The following CTNND2 variants were observed in gnomAD, a reference collection of about 807,000 sequenced individuals.
CTNND2 encodes catenin delta-2.
In CTNND2, 22 loss-of-function variants were observed where a neutral mutation model predicts 144.4. The ratio of observed to expected loss-of-function variants is 0.15; its 90% CI spans 0.11 to 0.22. CTNND2 has a LOEUF of 0.22. Ranked by LOEUF, CTNND2 falls within the 10% of genes least tolerant of loss-of-function variation. The pLI is 1.00. For synonymous variants in CTNND2, 751 were observed against 695.6 expected (o/e 1.08, Z -1.25); for missense variants, 1,353 against 1,618.8 (o/e 0.84, Z 2.82).
chr5:11,311,999 C>CCA (rs142393852), intron 9 of CTNND2, among the ~76,000 whole-genome samples: 1 of 116,028 alleles, frequency 8.6e-6, no homozygotes, highest in African/African-American at 3.1e-5. Flanking sequence ...TATATGCACC[C>CCA]CACACACACA....
intron 16 of CTNND2, among the ~76,000 whole-genome samples, chr5:11,043,706 C>G (rs958388442): frequency 1.3e-5 from 2 of 152,034 alleles, no homozygotes; most frequent in African/African-American, 4.8e-5. Flanking sequence ...TTTTTACAAG[C>G]AATATTAATA....
At chr5:11,170,427 A>G (rs753014171) in intron 11 of CTNND2, among the ~76,000 whole-genome samples, 1 of 152,250 alleles carries the variant, frequency 6.6e-6, no homozygotes, top group African/African-American at 2.4e-5. Flanking sequence ...GTATCTTCAT[A>G]CAACATGATA....
intron 3 of CTNND2, among the ~76,000 whole-genome samples, chr5:11,443,281 G>A (rs1293048885): frequency 3.9e-5 from 3 of 77,596 alleles, no homozygotes; most frequent in Non-Finnish European, 6.7e-5. Flanking sequence ...TGGTATGTGT[G>A]CATGTGTGTG....
intron 6 of CTNND2, among the ~76,000 whole-genome samples, chr5:11,387,934 A>G (rs61749832): frequency 6.6e-6 from 1 of 152,300 alleles, no homozygotes; most frequent in East Asian, 1.9e-4. Flanking sequence ...GTAATCTGTC[A>G]AAACATCTAG....
At chr5:11,902,776 C>A (rs573756456) in intron 1 of CTNND2, among the ~76,000 whole-genome samples, 6 of 151,946 alleles carry the variant, frequency 3.9e-5, no homozygotes, top group Non-Finnish European at 5.9e-5. Context: ...ATGAGGCACA[C>A]AAGAAAAGAA....
chr5:11,018,147 T>A, intron 17 of CTNND2, 89 bp from the exon 18 acceptor site: 1 of 837,928 alleles, frequency 1.2e-6, no homozygotes. Flanking sequence ...AACCTCTTCA[T>A]TATTATTATA....
chr5:11,744,482 C>T (rs1469028391), intron 1 of CTNND2, among the ~76,000 whole-genome samples: 1 of 152,072 alleles, frequency 6.6e-6, no homozygotes, highest in Non-Finnish European at 1.5e-5. Flanking sequence ...GAGTGATTGA[C>T]AGTGTAATGG....
chr5:11,048,606 C>A (rs1561223916), intron 16 of CTNND2, among the ~76,000 whole-genome samples: 1 of 152,228 alleles, frequency 6.6e-6, no homozygotes, highest in Non-Finnish European at 1.5e-5. Context: ...CTGCCCCACA[C>A]TGCCCCTGTG....
intron 6 of CTNND2, among the ~76,000 whole-genome samples, 189 bp from the exon 7 acceptor site, chr5:11,385,418 G>C (rs1008053914): frequency 1.3e-5 from 2 of 152,134 alleles, no homozygotes; most frequent in African/African-American, 4.8e-5. Flanking sequence ...CGGATTTCTT[G>C]TCCTGACACT....
At chr5:11,545,517 C>T (rs963342097) in intron 3 of CTNND2, among the ~76,000 whole-genome samples, 5 of 151,524 alleles carry the variant, frequency 3.3e-5, no homozygotes, top group Admixed American at 6.6e-5. Context: ...AAAAAATTAG[C>T]TGGGCATGGT....
intron 1 of CTNND2, among the ~76,000 whole-genome samples, chr5:11,813,142 T>C (rs1353273293): frequency 1.3e-5 from 2 of 152,204 alleles, no homozygotes; most frequent in African/African-American, 2.4e-5. Flanking sequence ...TATGTTTAGA[T>C]ACACCAATAC....
chr5:11,003,350 A>G (rs1365853235), intron 18 of CTNND2, among the ~76,000 whole-genome samples: 6 of 152,230 alleles, frequency 3.9e-5, no homozygotes, highest in Admixed American at 3.9e-4. Context: ...ATGAAAGTCA[A>G]AACAGAAATC....
At chr5:11,778,702 T>C (rs1790385581) in intron 1 of CTNND2, among the ~76,000 whole-genome samples, 1 of 152,174 alleles carries the variant, frequency 6.6e-6, no homozygotes, top group South Asian at 2.1e-4. Flanking sequence ...TGTGGTGTCC[T>C]GAATGGGATC....
chr5:11,734,031 G>C (rs1787539766), intron 1 of CTNND2, among the ~76,000 whole-genome samples: 1 of 151,744 alleles, frequency 6.6e-6, no homozygotes, highest in African/African-American at 2.4e-5. Context: ...GCCTGAGAGA[G>C]ACTTCTCTAC....
At chr5:11,684,908 T>A (rs1449377023) in intron 2 of CTNND2, among the ~76,000 whole-genome samples, 1 of 152,172 alleles carries the variant, frequency 6.6e-6, no homozygotes, top group African/African-American at 2.4e-5. Context: ...CCCACTATAG[T>A]CAAACAAGTA....
chr5:11,760,967 G>A (rs916759381), intron 1 of CTNND2, among the ~76,000 whole-genome samples: 9 of 152,130 alleles, frequency 5.9e-5, no homozygotes, highest in Admixed American at 4.6e-4. Context: ...TGATTGTTTA[G>A]TTGGTCTTTT....
At chr5:11,531,983 C>G (rs1385608568) in intron 3 of CTNND2, among the ~76,000 whole-genome samples, 2 of 152,184 alleles carry the variant, frequency 1.3e-5, no homozygotes, top group Non-Finnish European at 2.9e-5. Context: ...AAACTGTTCC[C>G]CCAGCTGCTG....
chr5:11,410,246 C>A (rs573328873), intron 5 of CTNND2, among the ~76,000 whole-genome samples: 3 of 152,116 alleles, frequency 2.0e-5, no homozygotes, highest in Non-Finnish European at 2.9e-5. Context: ...ATAATACCAA[C>A]CAATCTTTCT....
chr5:11,059,305 G>A (rs1472774651), intron 16 of CTNND2, among the ~76,000 whole-genome samples: 1 of 152,154 alleles, frequency 6.6e-6, no homozygotes, highest in Non-Finnish European at 1.5e-5. Flanking sequence ...ATGGGGGCAG[G>A]TCTTTCTTGT....
Sources: allele counts gnomAD v4.1 joint callset (sites outside exome capture counted in the v4.1 genomes callset), GRCh38; gene constraint gnomAD v4.1.1; transcripts MANE v1.5; gene names NCBI Gene and HGNC (gene_info 2026-07-23, HGNC 2026-07-21).